The following CA10 variants were observed in gnomAD, a reference collection of about 807,000 sequenced individuals.
The protein encoded by CA10 is carbonic anhydrase-related protein 10.
CA10 carries 14 observed loss-of-function variants against 44.2 expected under a neutral mutation model. The observed-to-expected ratio is 0.32, with a 90% CI of 0.21 to 0.50. The LOEUF is 0.50. Among genes scored for constraint, CA10 ranks in the 20% least tolerant of loss-of-function variants. CA10 has a pLI of 0.99. For synonymous variants in CA10, 159 were observed against 141.6 expected (o/e 1.12, Z -0.87); for missense variants, 350 against 409.7 (o/e 0.85, Z 1.26).
chr17:51,669,087 T>C (rs1167214498), intron 4 of CA10, among the ~76,000 whole-genome samples: 1 of 152,180 alleles, frequency 6.6e-6, no homozygotes, highest in Non-Finnish European at 1.5e-5. Flanking sequence ...CCGCATGGCC[T>C]TGTGGTGCCC....
At chr17:51,846,345 C>CA (rs1331486948) in intron 3 of CA10, among the ~76,000 whole-genome samples, 1 of 152,210 alleles carries the variant, frequency 6.6e-6, no homozygotes, top group Non-Finnish European at 1.5e-5. Context: ...CAGGATCACA[C>CA]CCCTTGGGTG....
In CA10 at chr17:51,807,759, CAA is replaced by C. The variant is rs567198978; in HGVS notation, c.280-59943_280-59942del. On this transcript the variant is annotated intron_variant, in intron 3 of 8. Transcript: ENST00000451037. ...ACAATGATGTGCAAAAGAAGTCAGA[CAA>C]AAAAAGAGTCCAGACTACATGATTT... 3.3e-5 allele frequency among the ~76,000 whole-genome samples: 5 copies of C among 151,968 alleles called. No individual in the cohort carries two copies. The East Asian group carries it at 9.7e-4, about 29-fold the overall frequency.
intron 4 of CA10, among the ~76,000 whole-genome samples, chr17:51,667,537 C>T (rs1341608007): frequency 6.6e-6 from 1 of 150,848 alleles, no homozygotes; most frequent in African/African-American, 2.4e-5. Flanking sequence ...TGATTGATAG[C>T]TCCTTGTGCT....
chr17:51,749,072 T>G (rs2143609659), intron 3 of CA10, among the ~76,000 whole-genome samples: 1 of 152,356 alleles, frequency 6.6e-6, no homozygotes, highest in East Asian at 1.9e-4. Flanking sequence ...CTTTCCCTGG[T>G]ACATCGACCA....
At chr17:51,852,897 T>C (rs1423747145) in intron 3 of CA10, among the ~76,000 whole-genome samples, 1 of 152,194 alleles carries the variant, frequency 6.6e-6, no homozygotes, top group Admixed American at 6.5e-5. Flanking sequence ...TCATGCTACT[T>C]ACATAATTCA....
At chr17:51,641,204 T>C (rs1336471006) in intron 6 of CA10, among the ~76,000 whole-genome samples, 1 of 151,726 alleles carries the variant, frequency 6.6e-6, no homozygotes, top group Non-Finnish European at 1.5e-5. Flanking sequence ...CCTACTTACC[T>C]GTCATATGAG....
intron 2 of CA10, among the ~76,000 whole-genome samples, chr17:52,029,415 G>A (rs1171893196): frequency 6.6e-6 from 1 of 152,152 alleles, no homozygotes; most frequent in African/African-American, 2.4e-5. Flanking sequence ...TTTAGATAGA[G>A]CACCATGTTT....
At chr17:51,829,030 C>T (rs113176510) in intron 3 of CA10, among the ~76,000 whole-genome samples, 197 of 152,294 alleles carry the variant, frequency 1.3e-3, no homozygotes, top group African/African-American at 4.6e-3. Flanking sequence ...AAACCACCCC[C>T]CAAGGTCAGT....
intron 3 of CA10, among the ~76,000 whole-genome samples, chr17:51,799,857 T>C (rs571306559): frequency 2.6e-5 from 4 of 152,280 alleles, no homozygotes; most frequent in African/African-American, 9.6e-5. Context: ...AAAAGTCAGA[T>C]GATGACAAGT....
intron 2 of CA10, among the ~76,000 whole-genome samples, chr17:51,954,988 G>A (rs1184571237): frequency 6.6e-6 from 1 of 152,124 alleles, no homozygotes; most frequent in Non-Finnish European, 1.5e-5. Context: ...AAAAGAGATA[G>A]GAAGTTTGAG....
chr17:51,758,230 A>G (rs1182937568), intron 3 of CA10, among the ~76,000 whole-genome samples: 1 of 152,228 alleles, frequency 6.6e-6, no homozygotes, highest in East Asian at 1.9e-4. Flanking sequence ...TGCACTGCTT[A>G]TTATATTAAA....
At chr17:52,133,937 G>A (rs1371604564) in intron 1 of CA10, among the ~76,000 whole-genome samples, 2 of 152,292 alleles carry the variant, frequency 1.3e-5, no homozygotes, top group East Asian at 3.9e-4. Flanking sequence ...CAGGGTGCAT[G>A]CGAGGGGAGG....
intron 5 of CA10, among the ~76,000 whole-genome samples, chr17:51,653,222 G>C (rs986756075): frequency 4.6e-5 from 7 of 152,146 alleles, no homozygotes; most frequent in South Asian, 2.1e-4. Flanking sequence ...AGTGCCTGGA[G>C]GGGAGAGACA....
At chr17:51,942,419 A>C (rs1983114180) in intron 2 of CA10, among the ~76,000 whole-genome samples, 1 of 151,922 alleles carries the variant, frequency 6.6e-6, no homozygotes, top group African/African-American at 2.4e-5. Flanking sequence ...TCGAGGTGCT[A>C]GATTTTGCTT....
intron 3 of CA10, among the ~76,000 whole-genome samples, chr17:51,772,893 A>AC (rs1465037471): frequency 1.3e-5 from 2 of 152,126 alleles, no homozygotes; most frequent in African/African-American, 4.8e-5. Flanking sequence ...TCTGGGGAGC[A>AC]CCTCGGGAGA....
chr17:51,785,418 G>T (rs1457388147), intron 3 of CA10, among the ~76,000 whole-genome samples: 1 of 152,152 alleles, frequency 6.6e-6, no homozygotes, highest in East Asian at 1.9e-4. Flanking sequence ...ATAAAGAGTT[G>T]CTCAACATCA....
intron 6 of CA10, among the ~76,000 whole-genome samples, chr17:51,638,102 C>A (rs889403519): frequency 1.2e-4 from 18 of 152,212 alleles, no homozygotes; most frequent in African/African-American, 4.3e-4. Context: ...GCTCGTTCAG[C>A]CTTCTCCAAT....
intron 2 of CA10, among the ~76,000 whole-genome samples, chr17:52,051,359 G>A (rs966352715): frequency 2.6e-5 from 4 of 151,132 alleles, no homozygotes; most frequent in African/African-American, 9.7e-5. Context: ...AGAGAAACCA[G>A]ACAACCTACA....
In CA10 at chr17:52,137,734, C is replaced by T. The variant is rs755034432; in HGVS notation, c.61+19992G>A. Among the ~76,000 whole-genome samples the T allele has an allele frequency of 3.4e-4, 51 of 152,236 alleles. 2 individuals carry two copies. The Middle Eastern group carries it at 0.02, about 61-fold the overall frequency. ...AATGGAACATTTGTTGAATAAATCA[C>T]GGGGTGAATAAAGTGGGTGAACAAT... On this transcript the variant is annotated intron_variant, in intron 1 of 8. Coordinates refer to ENST00000451037, the MANE Select transcript of CA10 (RefSeq NM_020178.5).
Sources: gnomAD v4.1 joint callset for allele counts (sites outside exome capture counted in the v4.1 genomes callset) on GRCh38, gnomAD v4.1.1 for gene constraint, MANE v1.5 for transcripts, NCBI Gene and HGNC (gene_info 2026-07-23, HGNC 2026-07-21) for gene names.